Variants in LGR4 observed in about 807,000 individuals in gnomAD.
LGR4 encodes leucine rich repeat containing G protein-coupled receptor 4, also known as leucine-rich repeat-containing G protein-coupled receptor 4.
A neutral mutation model predicts 84.8 loss-of-function variants in LGR4; 44 were observed. The ratio of observed to expected loss-of-function variants is 0.52; its 90% CI spans 0.41 to 0.67. The LOEUF (loss-of-function observed/expected upper bound fraction) is 0.67, where lower values mean the gene tolerates loss of function less well. LGR4 is among the 30% of genes least tolerant of loss of function. The pLI, the probability that LGR4 is intolerant of heterozygous loss-of-function variation, is 0.00. For synonymous variants in LGR4, 429 were observed against 434.3 expected (o/e 0.99, Z 0.15); for missense variants, 1,032 against 1,131.4 (o/e 0.91, Z 1.26).
At chr11:27,388,199 A>G (rs1863220381) in intron 4 of LGR4, among the ~76,000 whole-genome samples, 1 of 152,170 alleles carries the variant, frequency 6.6e-6, no homozygotes, top group Admixed American at 6.6e-5. Context: ...GATGACTCAA[A>G]TGGTTAATCC....
intron 13 of LGR4, among the ~76,000 whole-genome samples, chr11:27,374,503 CT>C (rs991610407): frequency 7.9e-5 from 12 of 152,114 alleles, no homozygotes; most frequent in African/African-American, 2.9e-4. Context: ...TCCAGGAGGG[CT>C]GCAGATACCC....
chr11:27,441,177 A>G (rs144290219), intron 1 of LGR4, among the ~76,000 whole-genome samples: 2 of 152,338 alleles, frequency 1.3e-5, no homozygotes, highest in East Asian at 3.9e-4. Context: ...GGGATCATGT[A>G]GCCAAGTATC....
chr11:27,368,884 T>C lies in LGR4; in HGVS notation c.1839A>G (p.Glu613=), dbSNP rs1862827980. 2 of 1,614,170 alleles carry C rather than the reference T, an allele frequency of 1.2e-6. No homozygotes were observed. The highest frequency in any genetic ancestry group is 1.7e-6 in the Non-Finnish European group (2 of 1,180,026). The part of the protein sequence containing the change: ...GRFAEFGIWW[E]TGSGCKVAGF... The stretch of plus-strand genomic sequence containing the variant: ...CAGCTACTTTGCAGCCACTGCCAGT[T>C]TCCCACCAAATGCCAAATTCAGCGA... Residue 613 remains glutamate, a synonymous_variant, in exon 18 of 18, where the codon GAA becomes GAG. Coordinates refer to ENST00000379214, the MANE Select transcript of LGR4 (RefSeq NM_018490.5).
At chr11:27,424,287 T>A (rs1337404536) in intron 1 of LGR4, among the ~76,000 whole-genome samples, 1 of 151,950 alleles carries the variant, frequency 6.6e-6, no homozygotes, top group Non-Finnish European at 1.5e-5. Flanking sequence ...CCCCTGCAAT[T>A]CCAGTACTTT....
At chr11:27,431,443 T>C (rs953499793) in intron 1 of LGR4, among the ~76,000 whole-genome samples, 1 of 152,160 alleles carries the variant, frequency 6.6e-6, no homozygotes, top group African/African-American at 2.4e-5. Context: ...TCACTATCAA[T>C]TTTCTAACCC....
At chr11:27,423,062 G>A (rs1863952137) in intron 1 of LGR4, among the ~76,000 whole-genome samples, 1 of 151,706 alleles carries the variant, frequency 6.6e-6, no homozygotes, top group African/African-American at 2.4e-5. Flanking sequence ...ACCATCCCTA[G>A]ATAACATATT....
chr11:27,471,924 C>T, intron 1 of LGR4, 194 bp downstream of exon 1: 2 of 365,934 alleles, frequency 5.5e-6, no homozygotes, highest in African/African-American at 2.1e-5. Flanking sequence ...CCCGGACTAG[C>T]AAAGTGCGGA....
chr11:27,446,447 C>T (rs1487270746), intron 1 of LGR4, among the ~76,000 whole-genome samples: 1 of 152,196 alleles, frequency 6.6e-6, no homozygotes, highest in Admixed American at 6.5e-5. Flanking sequence ...CTCATCATCA[C>T]TGGCCATCAG....
At chr11:27,405,499 C>G (rs1863588580) in intron 2 of LGR4, among the ~76,000 whole-genome samples, 1 of 152,150 alleles carries the variant, frequency 6.6e-6, no homozygotes, top group African/African-American at 2.4e-5. Context: ...AATCTATGCC[C>G]TTCGATCTCT....
intron 1 of LGR4, among the ~76,000 whole-genome samples, chr11:27,449,373 C>T (rs12364287): frequency 2.0e-5 from 3 of 151,944 alleles, no homozygotes; most frequent in African/African-American, 7.3e-5. Flanking sequence ...ATTTGAGCTC[C>T]GGAGTTCAAG....
chr11:27,462,164 G>A (rs987717090), intron 1 of LGR4, among the ~76,000 whole-genome samples: 2 of 152,116 alleles, frequency 1.3e-5, no homozygotes, highest in African/African-American at 4.8e-5. Flanking sequence ...AAAGTCCTCA[G>A]TGTCACAAAG....
intron 1 of LGR4, among the ~76,000 whole-genome samples, chr11:27,450,021 T>C (rs921296022): frequency 1.3e-5 from 2 of 152,236 alleles, no homozygotes; most frequent in Non-Finnish European, 2.9e-5. Context: ...TACATCTCCC[T>C]GAAAAACGCT....
Position 27,472,474 on chromosome 11 carries a change from C to G in LGR4, c.-172G>C. On this transcript the variant is annotated 5_prime_UTR_variant, in exon 1 of 18. Transcript: ENST00000379214. ...GCAGTCCGCCGCAGCGGCGCAGGGA[C>G]GCGGCGCTCCGGAGTTTCGCCCTTC... 2.4e-6 allele frequency: 1 copy of G among 413,292 alleles called. No homozygotes were observed. Among genetic ancestry groups the G allele is most frequent in the East Asian group, 3.7e-5 (1 of 26,870 alleles). 25.6% of individuals were successfully genotyped at this position (413,292 alleles called of 1,614,324 possible).
At chr11:27,372,529 G>A in intron 15 of LGR4, 131 bp from the exon 16 acceptor site, 3 of 600,974 alleles carry the variant, frequency 5.0e-6, no homozygotes, top group Non-Finnish European at 5.9e-6. Flanking sequence ...CTTTAGGCTG[G>A]TCGTTCATCC....
intron 1 of LGR4, among the ~76,000 whole-genome samples, chr11:27,461,836 A>ATTTTTT (rs35205372): frequency 2.0e-4 from 15 of 76,578 alleles, no homozygotes; most frequent in Non-Finnish European, 1.9e-4. Flanking sequence ...TTGAGTTAGG[A>ATTTTTT]TTTTTTTTTT....
Position 27,380,279 on chromosome 11 carries a change from C to T in LGR4, c.963G>A (p.Leu321=). The T allele has an allele frequency of 6.2e-7, 1 of 1,607,278 alleles. No homozygotes were observed. Among genetic ancestry groups the T allele is most frequent in the Non-Finnish European group, 8.5e-7 (1 of 1,175,208 alleles). ...QFPNLTGTVH[L]ESLTLTGTKI... ...CAAAGGGCCTTACTTACAGACTTTC[C>T]AGGTGGACAGTTCCTGTAAGATTGG... The change falls in exon 10 of 18, where the codon CTG becomes CTA. Residue 321 remains leucine, a synonymous_variant. Transcript: ENST00000379214.
At chr11:27,457,860 G>A (rs947429725) in intron 1 of LGR4, among the ~76,000 whole-genome samples, 5 of 152,126 alleles carry the variant, frequency 3.3e-5, no homozygotes, top group Admixed American at 3.3e-4. Context: ...AGGCACAGTG[G>A]CTCACACCTG....
At chr11:27,411,962 C>G (rs1419112704) in intron 2 of LGR4, among the ~76,000 whole-genome samples, 1 of 152,038 alleles carries the variant, frequency 6.6e-6, no homozygotes, top group African/African-American at 2.4e-5. Flanking sequence ...CTTTGATGTT[C>G]TTAGTATCAA....
intron 6 of LGR4, 46 bp from the exon 7 acceptor site, chr11:27,382,302 C>T (rs1356386142): frequency 2.5e-6 from 3 of 1,219,848 alleles, no homozygotes; most frequent in African/African-American, 3.0e-5. Context: ...AAATAGTGGT[C>T]ATAATTCATA....
Sources: gnomAD v4.1 joint callset for allele counts (sites outside exome capture counted in the v4.1 genomes callset) on GRCh38, gnomAD v4.1.1 for gene constraint, MANE v1.5 for transcripts, NCBI Gene and HGNC (gene_info 2026-07-23, HGNC 2026-07-21) for gene names.